Variants in CNOT4 observed in about 807,000 individuals in gnomAD.
The protein encoded by CNOT4 is CCR4-NOT transcription complex subunit 4.
CNOT4 carries 8 observed loss-of-function variants against 73.8 expected under a neutral mutation model. The observed-to-expected ratio is 0.11, with a 90% CI of 0.06 to 0.20. CNOT4 has a LOEUF of 0.20. Ranked by LOEUF, CNOT4 falls within the 10% of genes least tolerant of loss-of-function variation. The pLI is 1.00. For missense variants in CNOT4, 564 were observed against 883.4 expected (o/e 0.64, Z 4.58); for synonymous variants, 293 against 321.1 (o/e 0.91, Z 0.94).
At position 135,496,631 on chromosome 7, in the gene CNOT4, C is replaced by CCTCTCTCT. The variant is rs112838755; in HGVS notation, c.-93+13250_-93+13257dup. The stretch of plus-strand genomic sequence containing the variant: ...CAACACTATCCTGAATCTTCCTATT[C>CCTCTCTCT]CTCTCTCTCTCTCTCTCTCTCTCTG... On this transcript the variant is annotated intron_variant, in intron 1 of 11. Transcript: ENST00000541284. Among the ~76,000 whole-genome samples, 107 of 148,574 alleles carry CCTCTCTCT rather than the reference C, an allele frequency of 7.2e-4. 1 individual carries two copies. Among genetic ancestry groups the CCTCTCTCT allele is most frequent in the African/African-American group, 2.3e-3 (92 of 40,498 alleles).
chr7:135,392,765 A>G (rs1796466902), intron 10 of CNOT4, among the ~76,000 whole-genome samples: 1 of 152,178 alleles, frequency 6.6e-6, no homozygotes, highest in South Asian at 2.1e-4. Context: ...AACAGCCACA[A>G]ACTATATTCT....
intron 1 of CNOT4, among the ~76,000 whole-genome samples, chr7:135,471,064 A>G (rs1801546382): frequency 6.6e-6 from 1 of 152,212 alleles, no homozygotes; most frequent in African/African-American, 2.4e-5. Context: ...AGCCTACTAT[A>G]TGTAATTTCA....
intron 1 of CNOT4, among the ~76,000 whole-genome samples, chr7:135,473,730 G>T (rs1406937061): frequency 2.0e-5 from 3 of 152,146 alleles, no homozygotes; most frequent in African/African-American, 7.2e-5. Context: ...CTGGGTAATT[G>T]AGCAAGAGAG....
chr7:135,459,886 C>A (rs115074609), intron 1 of CNOT4, among the ~76,000 whole-genome samples: 3,044 of 152,326 alleles, frequency 0.02, 107 homozygotes, highest in African/African-American at 0.069. Context: ...GTGTAGCCAT[C>A]TTCATCCATG....
chr7:135,504,391 G>A lies in CNOT4; in HGVS notation c.-93+5498C>T, dbSNP rs1804198684. On this transcript the variant is annotated intron_variant, in intron 1 of 11. Transcript: ENST00000541284. ...GATCACTGCAACCTCTGACTCCCAA[G>A]TTCAAATGATTCTCCTGCCTCAGCC... 2.7e-5 allele frequency among the ~76,000 whole-genome samples: 4 copies of A among 145,944 alleles called. No individual in the cohort carries two copies. The Admixed American group carries it at 2.8e-4, about 10-fold the overall frequency.
rs566875063 is a variant in CNOT4 at position 135,458,407 on chromosome 7, T to A, written c.-92-19984A>T. ...GGCTGCTGATTGATCAGGGTGGTCG[T>A]TGCCAAAAGATGGAGTAGCTGTAGC... On this transcript the variant is annotated intron_variant, in intron 1 of 11. Transcript: ENST00000541284. 3.9e-5 allele frequency among the ~76,000 whole-genome samples: 6 copies of A among 152,186 alleles called. No homozygotes were observed. The South Asian group carries it at 1.2e-3, about 32-fold the overall frequency.
intron 10 of CNOT4, among the ~76,000 whole-genome samples, chr7:135,370,984 C>T (rs1176432805): frequency 2.0e-5 from 3 of 152,200 alleles, no homozygotes; most frequent in Non-Finnish European, 2.9e-5. Context: ...AAAACAAATA[C>T]TCCACTATTA....
intron 3 of CNOT4, among the ~76,000 whole-genome samples, chr7:135,418,684 GT>G (rs1798006167): frequency 6.6e-6 from 1 of 152,080 alleles, no homozygotes; most frequent in African/African-American, 2.4e-5. Flanking sequence ...GAAATGTTGT[GT>G]CTTTAAAGTC....
intron 1 of CNOT4, among the ~76,000 whole-genome samples, chr7:135,469,760 G>T (rs180880146): frequency 6.4e-4 from 98 of 152,022 alleles, no homozygotes; most frequent in African/African-American, 2.2e-3. Context: ...TCCACAAAAG[G>T]GCTTATACAT....
intron 10 of CNOT4, among the ~76,000 whole-genome samples, chr7:135,385,873 T>C (rs946488051): frequency 2.6e-5 from 4 of 152,194 alleles, no homozygotes; most frequent in Non-Finnish European, 5.9e-5. Context: ...TTCAACCTTG[T>C]ATCTCTAAAG....
At chr7:135,472,755 A>G (rs1801719316) in intron 1 of CNOT4, among the ~76,000 whole-genome samples, 1 of 151,844 alleles carries the variant, frequency 6.6e-6, no homozygotes, top group Non-Finnish European at 1.5e-5. Flanking sequence ...AGATGCAAAT[A>G]AAGGCTGGTT....
intron 1 of CNOT4, among the ~76,000 whole-genome samples, chr7:135,504,667 T>C (rs1459208190): frequency 8.4e-6 from 1 of 118,450 alleles, no homozygotes; most frequent in South Asian, 2.7e-4. Flanking sequence ...TTTGTATTTT[T>C]AGTAGAGACG....
intron 1 of CNOT4, among the ~76,000 whole-genome samples, chr7:135,484,754 C>CAAA (rs775810753): frequency 3.0e-4 from 23 of 77,958 alleles, no homozygotes; most frequent in African/African-American, 8.6e-4. Flanking sequence ...GACTCTGTCT[C>CAAA]AAAAAAAAAA....
rs750756388 is a variant in CNOT4 at position 135,414,455 on chromosome 7, C to T, written c.460-23G>A. ...ACCCTAAAGTGAAAACATCCCATTC[C>T]ACTGTTATTAGTTAAAAATTAAACA... On this transcript the variant is annotated intron_variant, in intron 4 of 11. Coordinates refer to ENST00000541284, the MANE Select transcript of CNOT4 (RefSeq NM_001190850.2). The T allele has an allele frequency of 1.1e-5, 11 of 1,001,328 alleles. No homozygotes were observed. The East Asian group carries it at 2.1e-4, about 20-fold the overall frequency. The allele number at this position is 1,001,328 out of a possible 1,614,324, so 62.0% of individuals were successfully genotyped here.
Position 135,424,476 on chromosome 7 carries a change from G to A in CNOT4, c.175-2123C>T, listed in dbSNP as rs527905775. 3.3e-5 allele frequency among the ~76,000 whole-genome samples: 5 copies of A among 152,202 alleles called. No homozygotes were observed. In the South Asian group the frequency reaches 1.0e-3, roughly 32 times the overall value. ...CAGAATTCCTGGGGTAGTTCCTTCTGAAGTGTTTACAATTAAGTTCATTTG... is the reference window on the plus strand; with the variant it reads ...CAGAATTCCTGGGGTAGTTCCTTCTAAAGTGTTTACAATTAAGTTCATTTG... On this transcript the variant is annotated intron_variant, in intron 2 of 11. Transcript: ENST00000541284.
Position 135,402,064 on chromosome 7 carries a change from T to A in CNOT4, c.822-3838A>T, listed in dbSNP as rs144540746. Among the ~76,000 whole-genome samples the A allele has an allele frequency of 1.6e-3, 238 of 152,116 alleles. 2 individuals are homozygous for A. In the East Asian group the frequency reaches 0.035, roughly 22 times the overall value. On this transcript the variant is annotated intron_variant, in intron 7 of 11. Coordinates refer to ENST00000541284, the MANE Select transcript of CNOT4 (RefSeq NM_001190850.2). Reference sequence around the variant, plus strand: ...AACGATCTAATTTTTTCCTTTTTTTTAAAGTTTCAGTCCTAAATTGTTTTA... The same window carrying A: ...AACGATCTAATTTTTTCCTTTTTTTAAAAGTTTCAGTCCTAAATTGTTTTA...
chr7:135,369,925 T>C (rs575073180), intron 10 of CNOT4, among the ~76,000 whole-genome samples: 20 of 152,348 alleles, frequency 1.3e-4, no homozygotes, highest in African/African-American at 4.6e-4. Context: ...ATTTGTCATA[T>C]TGAAATTTAA....
At chr7:135,499,758 A>T (rs1803840738) in intron 1 of CNOT4, among the ~76,000 whole-genome samples, 1 of 152,096 alleles carries the variant, frequency 6.6e-6, no homozygotes, top group African/African-American at 2.4e-5. Flanking sequence ...CTTCCCTCCC[A>T]CATACACTGG....
At chr7:135,430,222 CAAAG>C (rs1421459030) in intron 2 of CNOT4, among the ~76,000 whole-genome samples, 6 of 152,082 alleles carry the variant, frequency 3.9e-5, no homozygotes, top group African/African-American at 7.2e-5. Context: ...TATAAAACTA[CAAAG>C]AAATACCCTT....
Sources: allele counts gnomAD v4.1 joint callset (sites outside exome capture counted in the v4.1 genomes callset), GRCh38; gene constraint gnomAD v4.1.1; transcripts MANE v1.5; gene names NCBI Gene and HGNC (gene_info 2026-07-23, HGNC 2026-07-21).